The following TLCD3B variants were observed in gnomAD, a reference collection of about 807,000 sequenced individuals.
The protein encoded by TLCD3B is ceramide synthase.
A neutral mutation model predicts 23.0 loss-of-function variants in TLCD3B; 9 were observed. The observed-to-expected ratio is 0.39, with a 90% confidence interval of 0.24 to 0.68. The LOEUF (loss-of-function observed/expected upper bound fraction) is 0.68. Ranked by LOEUF, TLCD3B falls within the 30% of genes least tolerant of loss-of-function variation. TLCD3B has a pLI of 0.44. For synonymous variants in TLCD3B, 161 were observed against 161.0 expected (o/e 1.00, Z 0.00); for missense variants, 307 against 371.8 (o/e 0.83, Z 1.43).
intron 2 of TLCD3B, among the ~76,000 whole-genome samples, chr16:30,044,416 T>G (rs2071625056): frequency 6.6e-6 from 1 of 152,104 alleles, no homozygotes; most frequent in Admixed American, 6.6e-5. Flanking sequence ...TAAGCTATTC[T>G]CCTGCCTCAG....
chr16:30,041,887 A>G (rs1312529944), intron 2 of TLCD3B, among the ~76,000 whole-genome samples: 2 of 152,074 alleles, frequency 1.3e-5, no homozygotes, highest in East Asian at 3.9e-4. Context: ...AATTTTCTAG[A>G]CCATTTTTCC....
At chr16:30,031,466 C>T (rs2071358158), upstream of TLCD3B, among the ~76,000 whole-genome samples, 1 of 152,186 alleles carries the variant, frequency 6.6e-6, no homozygotes, top group Non-Finnish European at 1.5e-5. Flanking sequence ...CCCACAGGGG[C>T]CTGACCCTGC....
rs765786816 is a variant in TLCD3B at position 30,025,624 on chromosome 16, G to T, written c.540+102C>A. The T allele has an allele frequency of 6.8e-7, 1 of 1,469,784 alleles. No individual in the cohort carries two copies. Among genetic ancestry groups the T allele is most frequent in the Non-Finnish European group, 9.5e-7 (1 of 1,051,202 alleles). The allele number at this position is 1,469,784 out of a possible 1,614,324, so 91.0% of individuals were successfully genotyped here. On this transcript the variant is annotated intron_variant, in intron 4 of 4. Transcript: ENST00000380495. This position sits in a 1 kb window ranked among gnomAD's most constrained non-coding sequence, Gnocchi z 4.1. The stretch of plus-strand genomic sequence containing the variant: ...GTGCTCAAAATGCACGGGGTGAGGG[G>T]GGGATGACGAAGGGGCTAGAGCCCT...
intron 1 of TLCD3B, among the ~76,000 whole-genome samples, chr16:30,047,581 C>T (rs1056638651): frequency 3.9e-5 from 6 of 152,094 alleles, no homozygotes; most frequent in Non-Finnish European, 5.9e-5. Context: ...CTCGGCCTCC[C>T]GCAGTGCTGG....
chr16:30,030,195 T>C (rs942685840), intron 1 of TLCD3B: 18 of 1,341,838 alleles, frequency 1.3e-5, no homozygotes, highest in Non-Finnish European at 1.9e-5. Context: ...TGAACACTAG[T>C]AGACCAGATG....
At position 30,024,566 on chromosome 16, in the gene TLCD3B, G is replaced by A; in HGVS notation, c.*617C>T. On this transcript the variant is annotated 3_prime_UTR_variant, in exon 5 of 5. Transcript: ENST00000380495. The stretch of plus-strand genomic sequence containing the variant: ...CCCGAGGGCGCGATGTGCAGCCGAT[G>A]GTGAGGGACTGGGCGCCCTCGCCTG... 5.4e-6 allele frequency: 2 copies of A among 370,148 alleles called. No homozygotes were observed. The highest frequency in any genetic ancestry group is 1.1e-4 in the South Asian group (2 of 18,316). 22.9% of individuals were successfully genotyped at this position (370,148 alleles called of 1,614,324 possible).
Position 30,028,084 on chromosome 16 carries a change from G to T in TLCD3B, c.210-1241C>A, listed in dbSNP as rs144663403. ...GAGGGGAGGGGCAGCTGTAGAGAAC[G>T]CGAAGCGGGAACACAGGGAGAGAGG... On this transcript the variant is annotated intron_variant, in intron 2 of 4. Transcript: ENST00000380495. 3.6e-3 allele frequency among the ~76,000 whole-genome samples: 544 copies of T among 152,342 alleles called. 1 individual carries two copies. The highest frequency in any genetic ancestry group is 6.0e-3 in the Non-Finnish European group (410 of 68,038).
intron 2 of TLCD3B, among the ~76,000 whole-genome samples, chr16:30,043,164 T>TTA (rs1384307423): frequency 6.6e-6 from 1 of 152,152 alleles, no homozygotes; most frequent in Non-Finnish European, 1.5e-5. Flanking sequence ...TCTAAGCCCT[T>TTA]TATATATATT....
chr16:30,047,703 C>G (rs1189664766), intron 1 of TLCD3B, among the ~76,000 whole-genome samples: 1 of 152,012 alleles, frequency 6.6e-6, no homozygotes, highest in African/African-American at 2.4e-5. Flanking sequence ...AGGTGATCCA[C>G]CCGCCTCAGC....
upstream of TLCD3B, chr16:30,035,540 G>A: frequency 1.6e-6 from 2 of 1,276,926 alleles, no homozygotes; most frequent in Non-Finnish European, 2.0e-6. Context: ...AACACCCTCA[G>A]ACCCCCCAGC....
intron 3 of TLCD3B, among the ~76,000 whole-genome samples, chr16:30,026,349 C>T (rs2071132213): frequency 6.6e-6 from 1 of 152,154 alleles, no homozygotes; most frequent in Admixed American, 6.5e-5. Context: ...GGTGAGGAAA[C>T]TGAGGCTCAG....
Position 30,025,685 on chromosome 16 carries a change from A to T in TLCD3B, c.540+41T>A, listed in dbSNP as rs756060025. ...CTTGAAGGTCCCTCCCCTTCCTGTG[A>T]CCTCCCCATTGGGCTCCTGCACCCT... On this transcript the variant is annotated intron_variant, in intron 4 of 4. Transcript: ENST00000380495. The surrounding 1 kb of genome is among the most constrained non-coding windows in gnomAD (Gnocchi z 4.1). The T allele has an allele frequency of 3.8e-6, 6 of 1,595,640 alleles. No individual in the cohort carries two copies. The highest frequency in any genetic ancestry group is 5.2e-6 in the Non-Finnish European group (6 of 1,163,822).
intron 2 of TLCD3B, among the ~76,000 whole-genome samples, chr16:30,044,361 G>A (rs1324384436): frequency 6.6e-6 from 1 of 151,708 alleles, no homozygotes; most frequent in East Asian, 1.9e-4. Context: ...AGGCTGGAGG[G>A]CAATGGTGCG....
intron 3 of TLCD3B, among the ~76,000 whole-genome samples, chr16:30,037,793 T>A (rs970531491): frequency 3.9e-5 from 6 of 152,158 alleles, no homozygotes; most frequent in Admixed American, 3.9e-4. Context: ...GGATAAAAGG[T>A]AAAGAAGGCC....
Position 30,024,563 on chromosome 16 carries a change from G to A in TLCD3B, c.*620C>T, listed in dbSNP as rs949398970. On this transcript the variant is annotated 3_prime_UTR_variant, in exon 5 of 5. Transcript: ENST00000380495. Reference sequence around the variant, plus strand: ...GGGCCCGAGGGCGCGATGTGCAGCCGATGGTGAGGGACTGGGCGCCCTCGC... The same window carrying A: ...GGGCCCGAGGGCGCGATGTGCAGCCAATGGTGAGGGACTGGGCGCCCTCGC... The A allele has an allele frequency of 1.3e-5, 5 of 378,454 alleles. No homozygotes were observed. Among genetic ancestry groups the A allele is most frequent in the African/African-American group, 6.1e-5 (3 of 48,848 alleles). The allele number at this position is 378,454 out of a possible 1,614,324, so 23.4% of individuals were successfully genotyped here.
chr16:30,045,092 CAAAAAAAAAAAAAAAAAAAA>C (rs1162281544), intron 2 of TLCD3B, among the ~76,000 whole-genome samples: 1 of 22,226 alleles, frequency 4.5e-5, no homozygotes, highest in Admixed American at 8.2e-4. Flanking sequence ...GACTCCATCT[CAAAAAAAAAAAAAAAAAAAA>C]AAAAAAAGAA....
chr16:30,029,388 C>G lies in TLCD3B; in HGVS notation c.209+44G>C. 6.4e-7 allele frequency: 1 copy of G among 1,570,288 alleles called. No individual in the cohort carries two copies. Among genetic ancestry groups the G allele is most frequent in the African/African-American group, 1.3e-5 (1 of 74,122 alleles). Reference sequence around the variant, plus strand: ...GGTCTTCCGGGATTACCCGTACACGCCAACCACTGGCACCTGGGCAGGGGG... The same window carrying G: ...GGTCTTCCGGGATTACCCGTACACGGCAACCACTGGCACCTGGGCAGGGGG... On this transcript the variant is annotated intron_variant, in intron 2 of 4. Transcript: ENST00000380495. This position sits in a 1 kb window ranked among gnomAD's most constrained non-coding sequence, Gnocchi z 4.6.
At chr16:30,030,046 C>A (rs1163821353) in intron 1 of TLCD3B, 2 of 1,343,256 alleles carry the variant, frequency 1.5e-6, no homozygotes, top group East Asian at 4.7e-5. Context: ...CATCCCTGGC[C>A]CCCAAACACT....
chr16:30,044,026 T>TA (rs397720828), intron 2 of TLCD3B, among the ~76,000 whole-genome samples: 21 of 149,890 alleles, frequency 1.4e-4, no homozygotes, highest in Non-Finnish European at 1.0e-4. Flanking sequence ...TTTTTTTTTT[T>TA]AACTCTGTCT....
Sources: gnomAD v4.1 joint callset for allele counts (sites outside exome capture counted in the v4.1 genomes callset) on GRCh38, gnomAD v4.1.1 for gene constraint, Gnocchi (gnomAD v3.1) non-coding constraint, MANE v1.5 for transcripts, NCBI Gene and HGNC (gene_info 2026-07-23, HGNC 2026-07-21) for gene names.